KIF3A: variants seen among roughly 807,000 people sequenced by gnomAD.
KIF3A encodes kinesin family member 3A, also known as kinesin-like protein KIF3A.
Under a neutral mutation model 92.6 loss-of-function variants are expected in KIF3A, and 27 were observed. The ratio of observed to expected loss-of-function variants is 0.29; its 90% CI spans 0.21 to 0.40. The LOEUF is 0.40. KIF3A is among the 10% of genes least tolerant of loss of function. The pLI, the probability that KIF3A is intolerant of heterozygous loss-of-function variation, is 1.00. For synonymous variants in KIF3A, 250 were observed against 275.4 expected (o/e 0.91, Z 0.92); for missense variants, 581 against 872.6 (o/e 0.67, Z 4.21).
chr5:132,703,425 T>A (rs1421123659), intron 12 of KIF3A, 38 bp downstream of exon 12: 1 of 1,528,668 alleles, frequency 6.5e-7, no homozygotes, highest in African/African-American at 1.4e-5. Flanking sequence ...AAAACAGAAA[T>A]TTAAATCATG....
chr5:132,719,958 G>T (rs1213503747), intron 5 of KIF3A, among the ~76,000 whole-genome samples: 3 of 152,118 alleles, frequency 2.0e-5, no homozygotes, highest in Non-Finnish European at 4.4e-5. Flanking sequence ...CAAAAGGGAA[G>T]CATTACAGTG....
intron 5 of KIF3A, among the ~76,000 whole-genome samples, chr5:132,717,955 ATTT>A (rs1475244871): frequency 6.6e-6 from 1 of 152,134 alleles, no homozygotes; most frequent in East Asian, 1.9e-4. Context: ...TTGTGTTAAA[ATTT>A]TTAATTAAAT....
rs559197836 is a variant in KIF3A, at chr5:132,703,537, G to A, written c.1392C>T (p.Leu464=). Residue 464 remains leucine (L), a synonymous_variant, in exon 12 of 19, where the codon CTC becomes CTT. Transcript: ENST00000403231. ...TGTTTCTTTCTTCTTCTTCCATGTC[G>A]AGCTTTGTTTCAAGTGCTTTTCTCT... is the stretch of plus-strand genomic sequence containing the variant. The part of the protein sequence containing the change: ...DEERKALETK[L]DMEEEERNKA... The A allele has an allele frequency of 3.0e-5, 48 of 1,611,990 alleles. No individual in the cohort carries two copies. Among genetic ancestry groups the A allele is most frequent in the African/African-American group, 2.5e-4 (19 of 74,896 alleles).
At chr5:132,721,497 G>C (rs745333029) in intron 4 of KIF3A, 4 of 152,122 alleles carry the variant, frequency 2.6e-5, no homozygotes, top group Non-Finnish European at 5.9e-5. Context: ...CCATTCCACG[G>C]GTAGGAAGAC....
intron 7 of KIF3A, 34 bp downstream of exon 7, chr5:132,716,211 C>T: frequency 6.7e-7 from 1 of 1,489,632 alleles, no homozygotes; most frequent in Non-Finnish European, 9.3e-7. Flanking sequence ...CTTAAATTTG[C>T]CTGATGTTAA....
rs1438067632 is a variant in KIF3A, at chr5:132,694,400, C to G, written c.*2234G>C. 1 of 152,116 alleles carries G rather than the reference C, an allele frequency of 6.6e-6. No individual in the cohort carries two copies. The highest frequency in any genetic ancestry group is 6.6e-5 in the Admixed American group (1 of 15,252). 9.4% of individuals were successfully genotyped at this position (152,116 alleles called of 1,614,324 possible). A position where few individuals can be genotyped will look rare whatever the true frequency, so the allele number is the denominator to read the frequency against. On this transcript the variant is annotated 3_prime_UTR_variant, in exon 19 of 19. Coordinates refer to ENST00000403231, the MANE Select transcript of KIF3A (RefSeq NM_001300791.2). ...CCGTCTCCAAACAAAAAACAAACAC[C>G]CCTGCTATAGTAGCCTGCTTTTAGA...
intron 6 of KIF3A, 47 bp downstream of exon 6, chr5:132,716,798 T>C: frequency 1.9e-6 from 3 of 1,577,908 alleles, no homozygotes; most frequent in Non-Finnish European, 2.6e-6. Flanking sequence ...ATAAAATAAA[T>C]GGATCACAAG....
Position 132,726,196 on chromosome 5 carries a change from A to T in KIF3A, c.442T>A (p.Ser148Thr). 1 of 1,610,298 alleles carries T rather than the reference A, an allele frequency of 6.2e-7. No homozygotes were observed. Among genetic ancestry groups the T allele is most frequent in the Non-Finnish European group, 8.5e-7 (1 of 1,178,382 alleles). The part of the protein sequence containing the change: ...EGDTRFLVRV[S>T]YLEIYNEEVR... ...TCTTCATTATATATTTCCAAATAAG[A>T]CACTCGAACCAAAAATCTATAAAAC... The change falls in exon 4 of 19, where the codon TCT (serine) becomes ACT (threonine). Residue 148 changes from serine (S) to threonine (T), a missense_variant. This residue lies in a region of KIF3A where 217 missense variants were observed against 299.7 expected (regional missense o/e 0.72). Transcript: ENST00000403231.
chr5:132,706,519 A>G, intron 10 of KIF3A, 60 bp from the exon 11 acceptor site: 2 of 1,312,296 alleles, frequency 1.5e-6, no homozygotes, highest in Non-Finnish European at 2.1e-6. Flanking sequence ...AGAGATGAGG[A>G]GGAAAAAAAG....
intron 4 of KIF3A, among the ~76,000 whole-genome samples, chr5:132,723,897 T>C (rs1290587824): frequency 6.6e-6 from 1 of 151,984 alleles, no homozygotes; most frequent in Non-Finnish European, 1.5e-5. Flanking sequence ...TGCAATCTAC[T>C]CATCTGACAA....
At chr5:132,696,775 G>C (rs1447149978) in intron 18 of KIF3A, 93 bp from the exon 19 acceptor site, 1 of 966,894 alleles carries the variant, frequency 1.0e-6, no homozygotes, top group Non-Finnish European at 1.6e-6. Flanking sequence ...GGGGTGGCCT[G>C]TATAGTCTGG....
chr5:132,735,450 GAAC>G (rs1267926873), intron 1 of KIF3A, among the ~76,000 whole-genome samples: 9 of 152,152 alleles, frequency 5.9e-5, no homozygotes, highest in Admixed American at 5.9e-4. Flanking sequence ...CAGTTTAGTT[GAAC>G]AGATACTTGT....
downstream of KIF3A, among the ~76,000 whole-genome samples, chr5:132,688,913 C>A (rs1008809894): frequency 6.6e-6 from 1 of 152,128 alleles, no homozygotes; most frequent in Non-Finnish European, 1.5e-5. Flanking sequence ...ATTTCCCCAG[C>A]CCTCTAAAAA....
At chr5:132,737,369 C>T (rs774236803) in intron 1 of KIF3A, 45 bp downstream of exon 1, 1 of 1,592,882 alleles carries the variant, frequency 6.3e-7, no homozygotes, top group South Asian at 1.1e-5. Flanking sequence ...CGGGCCAGGC[C>T]GCTAGGATGA....
intron 7 of KIF3A, 21 bp downstream of exon 7, chr5:132,716,224 A>G (rs770649234): frequency 6.4e-6 from 10 of 1,562,228 alleles, no homozygotes; most frequent in South Asian, 1.1e-5. Flanking sequence ...GATGTTAACT[A>G]TATCACCAAT....
chr5:132,727,033 C>T (rs1318875878), intron 2 of KIF3A, among the ~76,000 whole-genome samples: 1 of 152,156 alleles, frequency 6.6e-6, no homozygotes, highest in Non-Finnish European at 1.5e-5. Flanking sequence ...CAACACAACA[C>T]CTCATAGAAA....
Position 132,695,761 on chromosome 5 carries a change from G to A in KIF3A, c.*873C>T, listed in dbSNP as rs577921051. 1 of 152,440 alleles carries A rather than the reference G, an allele frequency of 6.6e-6. No individual in the cohort carries two copies. Among genetic ancestry groups the A allele is most frequent in the Admixed American group, 6.5e-5 (1 of 15,300 alleles). The allele number at this position is 152,440 out of a possible 1,614,324, so 9.4% of individuals were successfully genotyped here. On this transcript the variant is annotated 3_prime_UTR_variant, in exon 19 of 19. Coordinates refer to ENST00000403231, the MANE Select transcript of KIF3A (RefSeq NM_001300791.2). ...AAATGGAGACTCTTCTTAACTGGGAGACATAAAGTAATTCCCACCAAAATT... is the reference window on the plus strand; with the variant it reads ...AAATGGAGACTCTTCTTAACTGGGAAACATAAAGTAATTCCCACCAAAATT...
intron 10 of KIF3A, 147 bp from the exon 11 acceptor site, chr5:132,706,606 C>A (rs953688342): frequency 5.3e-6 from 3 of 568,960 alleles, no homozygotes; most frequent in Non-Finnish European, 8.6e-6. Context: ...AAAATCAAAC[C>A]GTTATCAAAA....
At position 132,724,792 on chromosome 5, in the gene KIF3A, T is replaced by TAAA. The variant is rs756540926; in HGVS notation, c.510+1333_510+1335dup. ...ATGTACCCTAGAACTTAAAGTATAATAAAAAAAAAAAAAAATATATATATA... is the reference window on the plus strand; with the variant it reads ...ATGTACCCTAGAACTTAAAGTATAATAAAAAAAAAAAAAAAAAATATATATATA... On this transcript the variant is annotated intron_variant, in intron 4 of 18. Coordinates refer to ENST00000403231, the MANE Select transcript of KIF3A (RefSeq NM_001300791.2). Among the ~76,000 whole-genome samples, 81 of 64,314 alleles carry TAAA rather than the reference T, an allele frequency of 1.3e-3. 1 individual carries two copies. Among genetic ancestry groups the TAAA allele is most frequent in the African/African-American group, 4.6e-3 (43 of 9,376 alleles). The allele number at this position is 64,314 out of a possible 152,430, so 42.2% of individuals were successfully genotyped here. A position where few individuals can be genotyped will look rare whatever the true frequency, so the allele number is the denominator to read the frequency against.
Sources: allele counts gnomAD v4.1 joint callset (sites outside exome capture counted in the v4.1 genomes callset), GRCh38; gene constraint gnomAD v4.1.1; regional missense constraint gnomAD v4.1.1; transcripts MANE v1.5; gene names NCBI Gene and HGNC (gene_info 2026-07-23, HGNC 2026-07-21).